The following ADAM18 variants were observed in gnomAD, a reference collection of about 807,000 sequenced individuals.
ADAM18 encodes disintegrin and metalloproteinase domain-containing protein 18.
ADAM18 carries 117 observed loss-of-function variants against 94.4 expected under a neutral mutation model. The observed-to-expected ratio is 1.24, with a 90% CI of 1.07 to 1.45. ADAM18 has a LOEUF of 1.45. Among genes scored for constraint, ADAM18 ranks in the 40% most tolerant of loss-of-function variants. The probability of loss-of-function intolerance (pLI) is 0.00; values close to 1 mark genes in which losing one functional copy is unlikely to be tolerated. For synonymous variants in ADAM18, 327 were observed against 291.6 expected, an observed-to-expected ratio of 1.12 and a Z score of -1.24; for missense variants, 936 against 880.0, an observed-to-expected ratio of 1.06 and a Z score of -0.81.
rs191889713 is a variant in ADAM18 at position 39,712,715 on chromosome 8, A to G, written c.2017+5811A>G. ...ATTGCTTCAAAGAGAATAAAATACC[A>G]GGAATCCAACTTACAAGGGATGTAA... On this transcript the variant is annotated intron_variant, in intron 18 of 19. Coordinates refer to ENST00000265707, the MANE Select transcript of ADAM18 (RefSeq NM_014237.3). Among the ~76,000 whole-genome samples, 13 of 152,262 alleles carry G rather than the reference A, an allele frequency of 8.5e-5. 1 individual carries two copies. In the East Asian group the frequency reaches 2.5e-3, roughly 29 times the overall value.
At chr8:39,641,622 G>A (rs1227967552) in intron 10 of ADAM18, among the ~76,000 whole-genome samples, 1 of 152,054 alleles carries the variant, frequency 6.6e-6, no homozygotes, top group Non-Finnish European at 1.5e-5. Flanking sequence ...ACTTATAAGT[G>A]AGAACATGTG....
chr8:39,608,963 T>A (rs1819176153), intron 3 of ADAM18, 79 bp from the exon 4 acceptor site: 6 of 822,568 alleles, frequency 7.3e-6, no homozygotes, highest in Non-Finnish European at 1.2e-5. Flanking sequence ...TCGTGTTATA[T>A]AAAATGTATG....
At chr8:39,601,360 A>ATCTCC (rs1818898983) in intron 2 of ADAM18, among the ~76,000 whole-genome samples, 1 of 152,222 alleles carries the variant, frequency 6.6e-6, no homozygotes, top group Non-Finnish European at 1.5e-5. Context: ...ATTTATAAGT[A>ATCTCC]ATACTTGTTT....
intron 6 of ADAM18, among the ~76,000 whole-genome samples, chr8:39,628,459 A>AG (rs1819836897): frequency 1.3e-5 from 2 of 151,900 alleles, no homozygotes; most frequent in Non-Finnish European, 2.9e-5. Context: ...ATAGATAGAT[A>AG]AACAACAATA....
chr8:39,616,625 T>G (rs1373603690), intron 6 of ADAM18, among the ~76,000 whole-genome samples: 1 of 151,998 alleles, frequency 6.6e-6, no homozygotes. Context: ...CTAACTAGAC[T>G]TTAAGGAGGT....
intron 6 of ADAM18, among the ~76,000 whole-genome samples, chr8:39,615,776 T>G (rs2129578648): frequency 1.3e-5 from 2 of 152,254 alleles, no homozygotes; most frequent in Middle Eastern, 6.8e-3. Context: ...CTCTCTCTCT[T>G]CATGGATGAT....
intron 6 of ADAM18, among the ~76,000 whole-genome samples, chr8:39,624,640 T>C (rs1325916200): frequency 6.6e-6 from 1 of 152,158 alleles, no homozygotes; most frequent in Non-Finnish European, 1.5e-5. Context: ...TCCTCCCAAA[T>C]CTCATGTGAA....
chr8:39,677,378 A>G lies in ADAM18; in HGVS notation c.1526-53A>G, dbSNP rs540068740. 1,220 of 1,408,946 alleles carry G rather than the reference A, an allele frequency of 8.7e-4. 12 individuals carry two copies. Among genetic ancestry groups the G allele is most frequent in the Middle Eastern group, 1.8e-4 (1 of 5,626 alleles). 87.3% of individuals were successfully genotyped at this position (1,408,946 alleles called of 1,614,324 possible). On this transcript the variant is annotated intron_variant, in intron 14 of 19. Transcript: ENST00000265707. Reference sequence around the variant, plus strand: ...AATTTCCTTAGTCTGTTACTGACAAACATTTAACTCATATTAAGAATGATA... The same window carrying G: ...AATTTCCTTAGTCTGTTACTGACAAGCATTTAACTCATATTAAGAATGATA...
chr8:39,635,602 A>G (rs1325710747), intron 7 of ADAM18, among the ~76,000 whole-genome samples: 1 of 152,092 alleles, frequency 6.6e-6, no homozygotes, highest in African/African-American at 2.4e-5. Context: ...AATTTTTGAC[A>G]TTTTTCCCAC....
At chr8:39,719,441 A>T (rs1166658017) in intron 18 of ADAM18, among the ~76,000 whole-genome samples, 2 of 151,300 alleles carry the variant, frequency 1.3e-5, no homozygotes, top group African/African-American at 4.8e-5. Flanking sequence ...CAAAAATATG[A>T]CCCCAAAATG....
At chr8:39,613,987 C>T (rs1051610677) in intron 6 of ADAM18, among the ~76,000 whole-genome samples, 4 of 151,996 alleles carry the variant, frequency 2.6e-5, no homozygotes, top group Non-Finnish European at 4.4e-5. Flanking sequence ...GTAAAGAGAA[C>T]GAACCTATCA....
At chr8:39,647,234 C>CAAAAAA (rs72204674) in intron 11 of ADAM18, among the ~76,000 whole-genome samples, 13 of 130,146 alleles carry the variant, frequency 1.0e-4, no homozygotes, top group Non-Finnish European at 1.8e-4. Flanking sequence ...AGAAAGTCAG[C>CAAAAAA]AAAAAAAAAA....
chr8:39,624,578 G>GTAGC (rs1384876163), intron 6 of ADAM18, among the ~76,000 whole-genome samples: 1 of 152,162 alleles, frequency 6.6e-6, no homozygotes, highest in Non-Finnish European at 1.5e-5. Flanking sequence ...GTCAGGTCAT[G>GTAGC]TAGCGTCTCC....
chr8:39,650,939 C>T (rs564663977), intron 12 of ADAM18, among the ~76,000 whole-genome samples: 1 of 151,906 alleles, frequency 6.6e-6, no homozygotes. Flanking sequence ...AGAGGACCTG[C>T]GCTGGCACCA....
intron 18 of ADAM18, 122 bp from the exon 19 acceptor site, chr8:39,723,626 C>T (rs1022300386): frequency 5.0e-6 from 3 of 594,530 alleles, no homozygotes; most frequent in Non-Finnish European, 7.7e-6. Context: ...TCTATTTTTC[C>T]TAGTAGTTTG....
intron 18 of ADAM18, among the ~76,000 whole-genome samples, chr8:39,720,053 T>C (rs896230312): frequency 1.5e-5 from 2 of 133,860 alleles, no homozygotes; most frequent in African/African-American, 5.0e-5. Context: ...CTGGAAACAA[T>C]GTAAATATAA....
chr8:39,722,327 C>G (rs961970265), intron 18 of ADAM18, among the ~76,000 whole-genome samples: 5 of 143,674 alleles, frequency 3.5e-5, no homozygotes, highest in African/African-American at 1.3e-4. Flanking sequence ...ATATATATAT[C>G]ATGGAATACT....
At chr8:39,729,377 GA>G (rs919007544) in intron 19 of ADAM18, among the ~76,000 whole-genome samples, 1 of 152,006 alleles carries the variant, frequency 6.6e-6, no homozygotes, top group African/African-American at 2.4e-5. Context: ...AGGAAATTGT[GA>G]AAAAATTAAA....
intron 18 of ADAM18, among the ~76,000 whole-genome samples, chr8:39,714,475 A>G (rs115671257): frequency 0.012 from 1,781 of 152,196 alleles, 43 homozygotes; most frequent in African/African-American, 0.041. Context: ...AGAGTATATC[A>G]GAAGAAATTT....
Sources: gnomAD v4.1 joint callset for allele counts (sites outside exome capture counted in the v4.1 genomes callset) on GRCh38, gnomAD v4.1.1 for gene constraint, MANE v1.5 for transcripts, NCBI Gene and HGNC (gene_info 2026-07-23, HGNC 2026-07-21) for gene names.